EFCAB13: variants seen among roughly 807,000 people sequenced by gnomAD.
The protein encoded by EFCAB13 is EF-hand calcium binding domain 13, also known as EF-hand calcium-binding domain-containing protein 13.
Under a neutral mutation model 110.2 loss-of-function variants are expected in EFCAB13, and 91 were observed. The observed-to-expected ratio is 0.83, with a 90% CI of 0.70 to 0.98. The LOEUF (loss-of-function observed/expected upper bound fraction) is 0.98. EFCAB13 is among the 50% of genes least tolerant of loss of function. The pLI is 0.00. For missense variants in EFCAB13, 968 were observed against 1,119.4 expected, an observed-to-expected ratio of 0.86 and a Z score of 1.93; for synonymous variants, 323 against 369.9, an observed-to-expected ratio of 0.87 and a Z score of 1.45.
chr17:47,380,379 C>A (rs1429845725), intron 14 of EFCAB13, among the ~76,000 whole-genome samples: 2 of 152,168 alleles, frequency 1.3e-5, no homozygotes, highest in Non-Finnish European at 2.9e-5. Flanking sequence ...TGGTTTCCAG[C>A]TTCATCCATG....
chr17:47,374,654 G>T lies in EFCAB13; in HGVS notation c.1060G>T (p.Asp354Tyr). The T allele has an allele frequency of 1.2e-6, 2 of 1,608,392 alleles. No individual in the cohort carries two copies. The highest frequency in any genetic ancestry group is 2.2e-5 in the South Asian group (2 of 89,134). ...QYYSKIMEND[D>Y]LESKRPKNTW... The stretch of plus-strand genomic sequence containing the variant: ...TTATAGCAAAATTATGGAGAATGAT[G>T]ACCTTGAATCTAAAAGACCAAAAAA... The change falls in exon 12 of 25, where the codon GAC becomes TAC. Residue 354 changes from aspartate to tyrosine, a missense_variant. Coordinates refer to ENST00000331493, the MANE Select transcript of EFCAB13 (RefSeq NM_152347.5).
rs551566954 is a variant in EFCAB13, at chr17:47,398,091, C to T, written c.1945+2114C>T. Among the ~76,000 whole-genome samples, 17 of 147,960 alleles carry T rather than the reference C, an allele frequency of 1.1e-4. No homozygotes were observed. In the South Asian group the frequency reaches 2.1e-3, roughly 19 times the overall value. On this transcript the variant is annotated intron_variant, in intron 17 of 24. Transcript: ENST00000331493. The stretch of plus-strand genomic sequence containing the variant: ...GGGGTCAGCCCGCCGCCCGGCCAGC[C>T]GCCCCGTCCGGGAGGGAGGTGGGGG...
Position 47,335,193 on chromosome 17 carries a change from C to A in EFCAB13, c.31-3C>A. On this transcript the variant is annotated splice_region_variant and splice_polypyrimidine_tract_variant and intron_variant, in intron 4 of 24. Coordinates refer to ENST00000331493, the MANE Select transcript of EFCAB13 (RefSeq NM_152347.5). Reference sequence around the variant, plus strand: ...GCTTGATTGTGGCTCTTATATTCCCCAGGCAGAGGAAAATATTGACTTATT... The same window carrying A: ...GCTTGATTGTGGCTCTTATATTCCCAAGGCAGAGGAAAATATTGACTTATT... The A allele has an allele frequency of 6.3e-7, 1 of 1,592,538 alleles. No homozygotes were observed. The highest frequency in any genetic ancestry group is 1.2e-5 in the South Asian group (1 of 85,694).
chr17:47,356,104 CT>C (rs201962076), intron 9 of EFCAB13, among the ~76,000 whole-genome samples: 3,677 of 145,468 alleles, frequency 0.025, 108 homozygotes, highest in East Asian at 0.18. Flanking sequence ...TATCCTGTAT[CT>C]TTTTTTTTTT....
In EFCAB13 at chr17:47,326,030, T is replaced by C. The variant is rs577785776; in HGVS notation, c.-247-196T>C. ...GAGAGAACCTAGTGCACACTAAGCA[T>C]GCAGACATATACGTTGAATTCATGG... On this transcript the variant is annotated intron_variant, in intron 2 of 24. Coordinates refer to ENST00000331493, the MANE Select transcript of EFCAB13 (RefSeq NM_152347.5). Among the ~76,000 whole-genome samples, 3 of 147,898 alleles carry C rather than the reference T, an allele frequency of 2.0e-5. No homozygotes were observed. The East Asian group carries it at 6.1e-4, about 30-fold the overall frequency.
intron 8 of EFCAB13, among the ~76,000 whole-genome samples, chr17:47,346,433 A>AACCCC (rs2065416316): frequency 2.1e-5 from 2 of 94,358 alleles, no homozygotes; most frequent in Non-Finnish European, 2.0e-5. Context: ...AACGTACTTT[A>AACCCC]CCCCCCCCCC....
intron 23 of EFCAB13, among the ~76,000 whole-genome samples, chr17:47,423,104 T>C (rs2143499286): frequency 6.6e-6 from 1 of 152,312 alleles, no homozygotes; most frequent in Non-Finnish European, 1.5e-5. Context: ...GTGCCTTCTT[T>C]ATAGCATTCA....
chr17:47,329,884 G>T (rs1051202632), intron 4 of EFCAB13: 1 of 151,928 alleles, frequency 6.6e-6, no homozygotes, highest in Non-Finnish European at 1.5e-5. Flanking sequence ...AAATCAAATT[G>T]CCTTTTTGAA....
chr17:47,342,632 G>A (rs2065392302), intron 6 of EFCAB13, among the ~76,000 whole-genome samples: 1 of 152,090 alleles, frequency 6.6e-6, no homozygotes, highest in Non-Finnish European at 1.5e-5. Flanking sequence ...AGTATTTGCT[G>A]TGCTTCTTAA....
intron 10 of EFCAB13, among the ~76,000 whole-genome samples, chr17:47,363,462 CTTTT>C (rs34092734): frequency 2.2e-5 from 3 of 138,372 alleles, no homozygotes; most frequent in Admixed American, 7.3e-5. Flanking sequence ...AAACACACTT[CTTTT>C]TTTTTTTTTT....
chr17:47,392,861 C>A (rs1477903852), intron 15 of EFCAB13, among the ~76,000 whole-genome samples: 1 of 152,138 alleles, frequency 6.6e-6, no homozygotes, highest in African/African-American at 2.4e-5. Context: ...TTAAGAACTT[C>A]TCTTTGTTAA....
At chr17:47,367,694 C>T (rs1008580471) in intron 10 of EFCAB13, among the ~76,000 whole-genome samples, 1 of 152,194 alleles carries the variant, frequency 6.6e-6, no homozygotes, top group African/African-American at 2.4e-5. Context: ...ACAGGTAGAA[C>T]TTTATGCAGA....
chr17:47,421,020 T>TGG (rs564004497), intron 23 of EFCAB13, among the ~76,000 whole-genome samples: 23 of 142,352 alleles, frequency 1.6e-4, no homozygotes, highest in African/African-American at 3.4e-4. Flanking sequence ...GGGAGGGAGG[T>TGG]GGGGGGGTCA....
At chr17:47,342,661 T>G (rs1247319822) in intron 6 of EFCAB13, among the ~76,000 whole-genome samples, 1 of 152,168 alleles carries the variant, frequency 6.6e-6, no homozygotes, top group Non-Finnish European at 1.5e-5. Context: ...ATGCATGCCT[T>G]TCTTCAATTC....
chr17:47,421,317 G>A (rs1904698027), intron 23 of EFCAB13, among the ~76,000 whole-genome samples: 1 of 152,128 alleles, frequency 6.6e-6, no homozygotes, highest in African/African-American at 2.4e-5. Flanking sequence ...TTCTTATCCT[G>A]TTGATCTGTG....
intron 24 of EFCAB13, among the ~76,000 whole-genome samples, chr17:47,437,278 T>A (rs928852987): frequency 2.0e-5 from 3 of 152,220 alleles, no homozygotes; most frequent in African/African-American, 7.2e-5. Context: ...TTAAGTCCAT[T>A]TGTTCCAAGG....
At chr17:47,350,074 T>C (rs1002929734) in intron 9 of EFCAB13, among the ~76,000 whole-genome samples, 1 of 152,120 alleles carries the variant, frequency 6.6e-6, no homozygotes, top group Non-Finnish European at 1.5e-5. Flanking sequence ...GTGCCCGGCC[T>C]GATGTTTCTT....
chr17:47,377,635 A>T (rs956796502), intron 12 of EFCAB13, 131 bp from the exon 13 acceptor site: 1 of 665,900 alleles, frequency 1.5e-6, no homozygotes, highest in African/African-American at 1.9e-5. Flanking sequence ...AGAGAAAAGC[A>T]GTCTTATAAA....
intron 4 of EFCAB13, among the ~76,000 whole-genome samples, chr17:47,334,870 G>A (rs1661472259): frequency 6.6e-6 from 1 of 152,088 alleles, no homozygotes; most frequent in South Asian, 2.1e-4. Flanking sequence ...AGCCATGATT[G>A]CACCACGGAC....
Sources: allele counts gnomAD v4.1 joint callset (sites outside exome capture counted in the v4.1 genomes callset), GRCh38; gene constraint gnomAD v4.1.1; transcripts MANE v1.5; gene names NCBI Gene and HGNC (gene_info 2026-07-23, HGNC 2026-07-21).